Variants in IL31RA observed in about 807,000 individuals in gnomAD.
The protein encoded by IL31RA is interleukin-31 receptor subunit alpha.
In IL31RA, 66 loss-of-function variants were observed where a neutral mutation model predicts 83.7. The observed-to-expected ratio is 0.79, with a 90% CI of 0.65 to 0.97. IL31RA has a LOEUF of 0.97. Among genes scored for constraint, IL31RA ranks in the 50% least tolerant of loss-of-function variants. The pLI, the probability that IL31RA is intolerant of heterozygous loss-of-function variation, is 0.00. For synonymous variants in IL31RA, 325 were observed against 329.0 expected (o/e 0.99, Z 0.13); for missense variants, 798 against 919.4 (o/e 0.87, Z 1.71).
rs1195162009 is a variant in IL31RA at position 55,900,120 on chromosome 5, A to C, written c.1057A>C (p.Ile353Leu). 3.1e-6 allele frequency: 5 copies of C among 1,612,308 alleles called. No individual in the cohort carries two copies. Among genetic ancestry groups the C allele is most frequent in the South Asian group, 1.1e-5 (1 of 91,042 alleles). ...AGTGGCCACCCTGAGGATTCCAGCT[A>C]TTCAAGAAAAATGTAAGTAGAGCAT... ...SPVATLRIPA[I>L]QEKSFQCIEV... is the part of the protein sequence containing the mutation. The change falls in exon 8 of 15, where the codon ATT becomes CTT. Residue 353 changes from isoleucine to leucine, a missense_variant. Ile to Leu is a conservative substitution (Grantham distance 5). Transcript: ENST00000652347.
At position 55,851,420 on chromosome 5, in the gene IL31RA, A is replaced by T; in HGVS notation, c.-151A>T. The T allele has an allele frequency of 7.0e-7, 1 of 1,431,890 alleles. No individual in the cohort carries two copies. Among genetic ancestry groups the T allele is most frequent in the Non-Finnish European group, 9.6e-7 (1 of 1,042,070 alleles). The allele number at this position is 1,431,890 out of a possible 1,614,324, so 88.7% of individuals were successfully genotyped here. ...AGCACTCTGCTTGGGGGGCATTCGA[A>T]ACAGCAAAATCACTCATAAAAGGCA... On this transcript the variant is annotated 5_prime_UTR_variant, in exon 1 of 15. Transcript: ENST00000652347.
Position 55,868,988 on chromosome 5 carries a change from A to G in IL31RA, c.272+80A>G, listed in dbSNP as rs1746354630. ...CTGATTCATTCATGATTCACATCCC[A>G]TATGAAGCAAAAAGTTTCCTCAATG... On this transcript the variant is annotated intron_variant, in intron 3 of 14. Coordinates refer to ENST00000652347, the MANE Select transcript of IL31RA (RefSeq NM_139017.7). 8 of 855,176 alleles carry G rather than the reference A, an allele frequency of 9.4e-6. No homozygotes were observed. The East Asian group carries it at 1.9e-4, about 21-fold the overall frequency. 53.0% of individuals were successfully genotyped at this position (855,176 alleles called of 1,614,324 possible). A position where few individuals can be genotyped will look rare whatever the true frequency, so the allele number is the denominator to read the frequency against.
chr5:55,915,483 A>G (rs1408080076), intron 14 of IL31RA, among the ~76,000 whole-genome samples: 1 of 152,182 alleles, frequency 6.6e-6, no homozygotes, highest in Non-Finnish European at 1.5e-5. Flanking sequence ...ATAAATTTTT[A>G]AGTGGAAAAC....
At chr5:55,857,377 A>G (rs1322019315) in intron 1 of IL31RA, among the ~76,000 whole-genome samples, 1 of 152,122 alleles carries the variant, frequency 6.6e-6, no homozygotes, top group African/African-American at 2.4e-5. Context: ...TTGGGATTAC[A>G]TGTTGTGAGC....
At chr5:55,902,136 A>C (rs560460201) in intron 8 of IL31RA, among the ~76,000 whole-genome samples, 7 of 152,262 alleles carry the variant, frequency 4.6e-5, no homozygotes, top group Non-Finnish European at 8.8e-5. Context: ...GACACTTGTT[A>C]TTGTAAATGA....
chr5:55,890,267 C>T (rs1747904735), intron 6 of IL31RA, 132 bp downstream of exon 6: 16 of 809,406 alleles, frequency 2.0e-5, no homozygotes, highest in South Asian at 1.2e-4. Context: ...CCTGTACCAT[C>T]GAGAGTGAGC....
chr5:55,878,867 G>A (rs1172333513), intron 4 of IL31RA, among the ~76,000 whole-genome samples: 1 of 152,060 alleles, frequency 6.6e-6, no homozygotes, highest in African/African-American at 2.4e-5. Flanking sequence ...GCCCAGGCCA[G>A]TTTCAAACTT....
At chr5:55,880,976 G>A (rs1337640939) in intron 4 of IL31RA, among the ~76,000 whole-genome samples, 1 of 152,174 alleles carries the variant, frequency 6.6e-6, no homozygotes, top group Admixed American at 6.5e-5. Context: ...AAGAAACTGA[G>A]GCACGTTTTA....
Position 55,872,388 on chromosome 5 carries a change from G to T in IL31RA, c.391G>T (p.Glu131Ter). ...TIPDNYTIEV[E>*]AENGDGVIKS... ...CCCAGATAATTATACCATTGAGGTGGAAGCTGAAAATGGAGATGGTGTAAT... is the reference window on the plus strand; with the variant it reads ...CCCAGATAATTATACCATTGAGGTGTAAGCTGAAAATGGAGATGGTGTAAT... The change falls in exon 4 of 15, where the codon GAA (glutamate) becomes TAA (stop). Residue 131 changes from glutamate to a stop codon, truncating the protein, a stop_gained. Transcript: ENST00000652347. LOFTEE classifies it high-confidence loss of function. The T allele has an allele frequency of 6.2e-7, 1 of 1,612,088 alleles. No individual in the cohort carries two copies. The highest frequency in any genetic ancestry group is 8.5e-7 in the Non-Finnish European group (1 of 1,178,286).
chr5:55,918,243 G>A lies in IL31RA; in HGVS notation c.*1123G>A, dbSNP rs900978422. Among the ~76,000 whole-genome samples, 4 of 152,176 alleles carry A rather than the reference G, an allele frequency of 2.6e-5. No individual in the cohort carries two copies. Among genetic ancestry groups the A allele is most frequent in the Non-Finnish European group, 2.9e-5 (2 of 68,012 alleles). The stretch of plus-strand genomic sequence containing the variant: ...GGCTGGTGAGATCAGGGCAGGCGAG[G>A]CAATGAGTGAGTGGCCCAAGGTGCA... On this transcript the variant is annotated 3_prime_UTR_variant, in exon 15 of 15. Transcript: ENST00000652347.
chr5:55,894,714 C>G (rs1174946052), intron 6 of IL31RA, among the ~76,000 whole-genome samples: 2 of 152,064 alleles, frequency 1.3e-5, no homozygotes, highest in African/African-American at 4.8e-5. Context: ...AGTTATTTTA[C>G]TTTTTTAAAA....
At position 55,917,973 on chromosome 5, in the gene IL31RA, A is replaced by G. The variant is rs1749887236; in HGVS notation, c.*853A>G. On this transcript the variant is annotated 3_prime_UTR_variant, in exon 15 of 15. Transcript: ENST00000652347. ...CAGAGCCCAGGAATGCTTACTTAAA[A>G]GGCCTCTTCCCGGAAGCAGCAGGGC... 1.3e-5 allele frequency among the ~76,000 whole-genome samples: 2 copies of G among 152,212 alleles called. No homozygotes were observed. Among genetic ancestry groups the G allele is most frequent in the Non-Finnish European group, 1.5e-5 (1 of 68,036 alleles).
At chr5:55,914,797 C>T (rs1749691338) in intron 13 of IL31RA, 50 bp from the exon 14 acceptor site, 1 of 1,301,340 alleles carries the variant, frequency 7.7e-7, no homozygotes, top group Non-Finnish European at 1.1e-6. Context: ...CCATATGGTG[C>T]TAATGCTTCT....
intron 1 of IL31RA, among the ~76,000 whole-genome samples, chr5:55,856,724 G>A (rs1249499891): frequency 6.6e-6 from 1 of 152,142 alleles, no homozygotes; most frequent in East Asian, 1.9e-4. Context: ...AGGTCTTGTG[G>A]CTGCCCTGTC....
chr5:55,848,405 G>T (rs190549807), upstream of IL31RA, among the ~76,000 whole-genome samples: 3 of 152,064 alleles, frequency 2.0e-5, no homozygotes, highest in East Asian at 5.8e-4. Flanking sequence ...TCTGGCTTTG[G>T]CTGGAAGTTC....
chr5:55,859,896 G>A (rs760053720), intron 2 of IL31RA, among the ~76,000 whole-genome samples: 4 of 152,126 alleles, frequency 2.6e-5, no homozygotes, highest in East Asian at 3.8e-4. Flanking sequence ...TATCTGTGGG[G>A]GAATATGTTC....
intron 7 of IL31RA, among the ~76,000 whole-genome samples, chr5:55,897,483 A>C (rs1408253185): frequency 6.6e-6 from 1 of 152,132 alleles, no homozygotes; most frequent in East Asian, 1.9e-4. Context: ...CCCCCTCCCC[A>C]CCCAGCTGTC....
Position 55,899,954 on chromosome 5 carries a change from C to T in IL31RA, c.891C>T (p.Gly297=), listed in dbSNP as rs758991394. The change falls in exon 8 of 15, where the codon GGC becomes GGT. Residue 297 remains glycine (G), a synonymous_variant. Transcript: ENST00000652347. The part of the protein sequence containing the change: ...RGAPVLEKTL[G]YNIWYYPESN... The stretch of plus-strand genomic sequence containing the variant: ...CCCCAGTCCTAGAGAAAACACTTGG[C>T]TACAACATATGGTACTATCCAGAAA... The T allele has an allele frequency of 4.3e-6, 7 of 1,614,076 alleles. No homozygotes were observed. Among genetic ancestry groups the T allele is most frequent in the African/African-American group, 1.3e-5 (1 of 74,928 alleles).
upstream of IL31RA, among the ~76,000 whole-genome samples, chr5:55,847,238 A>AT (rs1418406242): frequency 1.3e-3 from 20 of 15,492 alleles, no homozygotes; most frequent in African/African-American, 8.0e-3. Context: ...AAAAAAAAAA[A>AT]AAATAAAAAT....
Sources: gnomAD v4.1 joint callset for allele counts (sites outside exome capture counted in the v4.1 genomes callset) on GRCh38, gnomAD v4.1.1 for gene constraint, MANE v1.5 for transcripts, NCBI Gene and HGNC (gene_info 2026-07-23, HGNC 2026-07-21) for gene names.